ZFHX3: variants seen among roughly 807,000 people sequenced by gnomAD.
ZFHX3 encodes the protein zinc finger homeobox 3.
A neutral mutation model predicts 279.1 loss-of-function variants in ZFHX3; 42 were observed. The ratio of observed to expected loss-of-function variants is 0.15; its 90% CI spans 0.12 to 0.19. The LOEUF (loss-of-function observed/expected upper bound fraction) is 0.19, where lower values mean the gene tolerates loss of function less well. Ranked by LOEUF, ZFHX3 falls within the 10% of genes least tolerant of loss-of-function variation. The pLI is 1.00. For missense variants in ZFHX3, 4,981 were observed against 4,754.0 expected, an observed-to-expected ratio of 1.05 and a Z score of -1.40; for synonymous variants, 2,293 against 1,957.8, an observed-to-expected ratio of 1.17 and a Z score of -4.52.
chr16:73,887,002 G>A (rs1168485778), intron 1 of ZFHX3, among the ~76,000 whole-genome samples: 3 of 152,138 alleles, frequency 2.0e-5, no homozygotes, highest in African/African-American at 7.2e-5. Flanking sequence ...CTCTCTGGAA[G>A]AGGAATGCAA....
chr16:73,192,776 A>G (rs1229245559), intron 5 of ZFHX3, among the ~76,000 whole-genome samples: 1 of 152,192 alleles, frequency 6.6e-6, no homozygotes, highest in African/African-American at 2.4e-5. Context: ...CCGTCCTCAG[A>G]GAAGGTGGAA....
At chr16:73,612,414 G>A (rs917448216) in intron 2 of ZFHX3, among the ~76,000 whole-genome samples, 4 of 152,144 alleles carry the variant, frequency 2.6e-5, no homozygotes, top group Admixed American at 1.3e-4. Context: ...CAAACACGCT[G>A]CTGTAATAGG....
intron 2 of ZFHX3, among the ~76,000 whole-genome samples, chr16:73,636,263 A>T (rs1204076661): frequency 1.3e-5 from 2 of 152,226 alleles, no homozygotes; most frequent in Admixed American, 6.5e-5. Flanking sequence ...AGAAGAATAC[A>T]TGCTCAACAT....
rs188970951 is a variant in ZFHX3, at chr16:73,822,983, G to A, written c.-1608+68668C>T. 1.6e-4 allele frequency among the ~76,000 whole-genome samples: 24 copies of A among 152,270 alleles called. 1 individual carries two copies. The highest frequency in any genetic ancestry group is 7.7e-4 in the East Asian group (4 of 5,186). On this transcript the variant is annotated intron_variant, in intron 1 of 17. Transcript: ENST00000641206. Reference sequence around the variant, plus strand: ...ATTTTCAGTGAGCAACTTACCATACGTCATGCACTGGGCTATATGCTAAGG... The same window carrying A: ...ATTTTCAGTGAGCAACTTACCATACATCATGCACTGGGCTATATGCTAAGG...
At chr16:73,086,116 G>A (rs900865984) in intron 8 of ZFHX3, among the ~76,000 whole-genome samples, 8 of 151,714 alleles carry the variant, frequency 5.3e-5, no homozygotes, top group African/African-American at 1.9e-4. Context: ...ATTTAAAAAT[G>A]CTCCACATCA....
chr16:73,321,804 G>A (rs1015521482), intron 3 of ZFHX3, among the ~76,000 whole-genome samples: 3 of 152,090 alleles, frequency 2.0e-5, no homozygotes, highest in Admixed American at 6.5e-5. Flanking sequence ...AAGGGTAGGC[G>A]GGTGTCTCTT....
At chr16:73,317,375 CAG>C (rs1034542729) in intron 4 of ZFHX3, among the ~76,000 whole-genome samples, 5 of 152,150 alleles carry the variant, frequency 3.3e-5, no homozygotes, top group African/African-American at 1.2e-4. Context: ...TGTTACCCGG[CAG>C]AGTCACAGCC....
intron 3 of ZFHX3, among the ~76,000 whole-genome samples, chr16:72,914,270 G>T (rs2039387955): frequency 6.6e-6 from 1 of 152,220 alleles, no homozygotes; most frequent in Non-Finnish European, 1.5e-5. Flanking sequence ...ACAGAAGACA[G>T]TCCGCCTTCA....
intron 2 of ZFHX3, among the ~76,000 whole-genome samples, chr16:73,518,986 C>T (rs904975565): frequency 6.6e-6 from 1 of 152,198 alleles, no homozygotes; most frequent in Non-Finnish European, 1.5e-5. Context: ...CTCAAAGGCA[C>T]TAAGTGGTAT....
intron 1 of ZFHX3, among the ~76,000 whole-genome samples, chr16:73,787,487 G>A (rs890109554): frequency 6.6e-6 from 1 of 152,194 alleles, no homozygotes; most frequent in Non-Finnish European, 1.5e-5. Flanking sequence ...GGCCTGGCAT[G>A]TTCTGTGGCT....
intron 3 of ZFHX3, among the ~76,000 whole-genome samples, chr16:73,395,671 T>C (rs1297124567): frequency 2.0e-5 from 3 of 151,676 alleles, no homozygotes; most frequent in Non-Finnish European, 4.4e-5. Context: ...AAAGCCCCTA[T>C]ATGGCTACAT....
At chr16:72,965,195 C>CT (rs1961776432) in intron 1 of ZFHX3, among the ~76,000 whole-genome samples, 1 of 152,168 alleles carries the variant, frequency 6.6e-6, no homozygotes, top group African/African-American at 2.4e-5. Flanking sequence ...TCTTTAATGT[C>CT]TAATTTTCAA....
rs117677159 is a variant in ZFHX3, at chr16:72,979,757, A to C, written c.-49-19563T>G. ...CATAAATTGAGGCCCGGGCAAAAGAAGAAAGAAAAAACAAAACTGGAGGAA... is the reference window on the plus strand; with the variant it reads ...CATAAATTGAGGCCCGGGCAAAAGACGAAAGAAAAAACAAAACTGGAGGAA... On this transcript the variant is annotated intron_variant, in intron 1 of 9. Transcript: ENST00000268489. 1.5e-3 allele frequency among the ~76,000 whole-genome samples: 226 copies of C among 152,354 alleles called. 8 individuals are homozygous for C. In the East Asian group the frequency reaches 0.037, roughly 25 times the overall value.
Position 73,553,682 on chromosome 16 carries a change from T to C in ZFHX3, c.-1546-97424A>G, listed in dbSNP as rs149757025. 9.2e-5 allele frequency among the ~76,000 whole-genome samples: 14 copies of C among 152,330 alleles called. No individual in the cohort carries two copies. The East Asian group carries it at 2.1e-3, about 23-fold the overall frequency. ...TGTTAATCTGTTAATGATGTCTTAA[T>C]GGCAACCCAAAATTCAAAGCCGACT... On this transcript the variant is annotated intron_variant, in intron 2 of 17. Coordinates refer to the ZFHX3 transcript ENST00000641206.
At chr16:72,841,844 C>G (rs1000507436) in intron 4 of ZFHX3, among the ~76,000 whole-genome samples, 1 of 152,220 alleles carries the variant, frequency 6.6e-6, no homozygotes, top group African/African-American at 2.4e-5. Context: ...TGATAGTCAT[C>G]AAGACAAACA....
At chr16:73,234,957 T>A (rs1168794348) in intron 5 of ZFHX3, among the ~76,000 whole-genome samples, 2 of 152,242 alleles carry the variant, frequency 1.3e-5, no homozygotes, top group African/African-American at 4.8e-5. Flanking sequence ...AGATTTGATG[T>A]CCACTTTTAG....
chr16:72,799,201 G>A (rs766247775), intron 8 of ZFHX3, among the ~76,000 whole-genome samples: 3 of 152,156 alleles, frequency 2.0e-5, no homozygotes, highest in Admixed American at 6.5e-5. Flanking sequence ...GCTGAACATC[G>A]TAATATAAGA....
At chr16:73,405,819 T>C (rs898134590) in intron 3 of ZFHX3, among the ~76,000 whole-genome samples, 5 of 152,238 alleles carry the variant, frequency 3.3e-5, no homozygotes, top group African/African-American at 1.2e-4. Context: ...GGTAAACAGA[T>C]GACTGGAGGC....
chr16:72,788,118 C>T lies in ZFHX3; in HGVS notation c.10158G>A (p.Gln3386=), dbSNP rs368203927. 9 of 1,596,670 alleles carry T rather than the reference C, an allele frequency of 5.6e-6. No homozygotes were observed. Among genetic ancestry groups the T allele is most frequent in the Non-Finnish European group, 7.7e-6 (9 of 1,168,026 alleles). ...GCTGCTGCTGCACTTTTTGCTGCTG[C>T]TGCTGCTGTAGTTGCCGCTGCTGCT... is the stretch of plus-strand genomic sequence containing the variant. ...QQQQQRQLQQ[Q]QQQKVQQQQP... Residue 3386 remains glutamine, a synonymous_variant, in exon 10 of 10, where the codon CAG becomes CAA. Transcript: ENST00000268489.
Sources: allele counts gnomAD v4.1 joint callset (sites outside exome capture counted in the v4.1 genomes callset), GRCh38; gene constraint gnomAD v4.1.1; transcripts MANE v1.5; gene names NCBI Gene and HGNC (gene_info 2026-07-23, HGNC 2026-07-21).